Variants in PHACTR1 observed in about 807,000 individuals in gnomAD.
PHACTR1 encodes RPEL repeat containing 1.
Under a neutral mutation model 69.2 loss-of-function variants are expected in PHACTR1, and 16 were observed. The ratio of observed to expected loss-of-function variants is 0.23; its 90% CI spans 0.16 to 0.35. The LOEUF is 0.35. Among genes scored for constraint, PHACTR1 ranks in the 10% least tolerant of loss-of-function variants. The probability of loss-of-function intolerance (pLI) is 1.00; values close to 1 mark genes in which losing one functional copy is unlikely to be tolerated. For synonymous variants in PHACTR1, 312 were observed against 284.5 expected (o/e 1.10, Z -0.97); for missense variants, 510 against 734.7 (o/e 0.69, Z 3.54).
intron 4 of PHACTR1, among the ~76,000 whole-genome samples, chr6:12,756,045 A>G (rs1215355168): frequency 6.6e-6 from 1 of 152,238 alleles, no homozygotes; most frequent in African/African-American, 2.4e-5. Flanking sequence ...TAAATGCGGC[A>G]GAGGCACATT....
At chr6:12,960,628 G>A (rs1792591497) in intron 4 of PHACTR1, among the ~76,000 whole-genome samples, 1 of 152,218 alleles carries the variant, frequency 6.6e-6, no homozygotes, top group African/African-American at 2.4e-5. Flanking sequence ...AGTAGCCCTT[G>A]TCTCCGGACA....
At chr6:12,723,392 C>T (rs1006776615) in intron 3 of PHACTR1, among the ~76,000 whole-genome samples, 8 of 151,464 alleles carry the variant, frequency 5.3e-5, no homozygotes, top group Non-Finnish European at 8.8e-5. Flanking sequence ...TGCATTTTAA[C>T]AAAATCTCCA....
intron 4 of PHACTR1, among the ~76,000 whole-genome samples, chr6:12,830,599 T>A (rs563152620): frequency 1.0e-4 from 15 of 150,738 alleles, no homozygotes; most frequent in Non-Finnish European, 1.3e-4. Flanking sequence ...AAAAAAAAAA[T>A]TTTTTTTGAG....
At chr6:12,742,394 T>A (rs549811408) in intron 3 of PHACTR1, among the ~76,000 whole-genome samples, 17 of 152,082 alleles carry the variant, frequency 1.1e-4, no homozygotes, top group Admixed American at 3.3e-4. Flanking sequence ...TTCATTATAA[T>A]TAGCGCATAA....
At chr6:12,755,029 A>G (rs1767135889) in intron 4 of PHACTR1, among the ~76,000 whole-genome samples, 2 of 152,206 alleles carry the variant, frequency 1.3e-5, no homozygotes, top group Non-Finnish European at 2.9e-5. Context: ...AGTAAATGGG[A>G]AGCACTTTCC....
chr6:12,865,969 A>C (rs1380804523), intron 4 of PHACTR1, among the ~76,000 whole-genome samples: 1 of 151,930 alleles, frequency 6.6e-6, no homozygotes, highest in Non-Finnish European at 1.5e-5. Flanking sequence ...TCCCCACCCT[A>C]AGAAAGGCAC....
chr6:13,138,978 C>G (rs1821983411), intron 5 of PHACTR1, among the ~76,000 whole-genome samples: 1 of 152,118 alleles, frequency 6.6e-6, no homozygotes, highest in South Asian at 2.1e-4. Context: ...TTTCATCCAT[C>G]TTGAGCTTCT....
chr6:12,730,786 T>C (rs1393235422), intron 3 of PHACTR1, among the ~76,000 whole-genome samples: 1 of 152,124 alleles, frequency 6.6e-6, no homozygotes, highest in East Asian at 1.9e-4. Context: ...CCAGTGTGTG[T>C]TGTTCCCCTT....
intron 10 of PHACTR1, among the ~76,000 whole-genome samples, chr6:13,233,726 A>C (rs566303593): frequency 6.6e-6 from 1 of 152,356 alleles, no homozygotes; most frequent in Admixed American, 6.5e-5. Context: ...TTAGAATTCA[A>C]GGTGAGATTT....
chr6:12,911,834 T>C (rs1369939263), intron 4 of PHACTR1, among the ~76,000 whole-genome samples: 1 of 152,224 alleles, frequency 6.6e-6, no homozygotes, highest in Non-Finnish European at 1.5e-5. Flanking sequence ...TAGCTAAGTC[T>C]TCTCCACCAC....
intron 5 of PHACTR1, among the ~76,000 whole-genome samples, chr6:13,091,146 G>T (rs1813213379): frequency 6.6e-6 from 1 of 152,054 alleles, no homozygotes; most frequent in Non-Finnish European, 1.5e-5. Context: ...AAGTAGCTGG[G>T]ATTACAGGCA....
At chr6:13,182,491 C>T (rs1359403331) in intron 6 of PHACTR1, 28 bp from the exon 7 acceptor site, 1 of 1,609,686 alleles carries the variant, frequency 6.2e-7, no homozygotes, top group Non-Finnish European at 8.5e-7. Context: ...CATTGTCTAA[C>T]TCTGCAATCT....
chr6:12,791,195 C>T (rs1171770306), intron 4 of PHACTR1, among the ~76,000 whole-genome samples: 2 of 152,190 alleles, frequency 1.3e-5, no homozygotes, highest in Non-Finnish European at 2.9e-5. Context: ...CTGCTTCCGT[C>T]TGCAGAAGGA....
At chr6:12,945,621 G>T (rs1168190006) in intron 4 of PHACTR1, among the ~76,000 whole-genome samples, 2 of 152,198 alleles carry the variant, frequency 1.3e-5, no homozygotes, top group Admixed American at 6.5e-5. Flanking sequence ...ACACTGGGTA[G>T]CAAAGCCAAC....
At chr6:13,014,437 G>T (rs985658120) in intron 4 of PHACTR1, among the ~76,000 whole-genome samples, 1 of 152,194 alleles carries the variant, frequency 6.6e-6, no homozygotes, top group Non-Finnish European at 1.5e-5. Context: ...AGGCTTAGGG[G>T]ATTTGTCGGT....
chr6:12,833,509 T>C (rs1777817468), intron 4 of PHACTR1, among the ~76,000 whole-genome samples: 1 of 152,132 alleles, frequency 6.6e-6, no homozygotes. Flanking sequence ...TCTGCCCGCC[T>C]CAGCCTCCCA....
At chr6:12,890,675 G>A (rs1172279864) in intron 4 of PHACTR1, among the ~76,000 whole-genome samples, 1 of 152,024 alleles carries the variant, frequency 6.6e-6, no homozygotes, top group Non-Finnish European at 1.5e-5. Context: ...TATCTGCTTG[G>A]TTAAATCCCT....
chr6:12,934,049 C>T (rs1010240210), intron 4 of PHACTR1: 17 of 1,410,920 alleles, frequency 1.2e-5, no homozygotes, highest in East Asian at 2.5e-5. Context: ...AGTCCCAAAT[C>T]AAGGTGTTGG....
chr6:12,992,353 T>G (rs977809581), intron 4 of PHACTR1, among the ~76,000 whole-genome samples: 1 of 152,246 alleles, frequency 6.6e-6, no homozygotes, highest in African/African-American at 2.4e-5. Flanking sequence ...AAGCTAAATA[T>G]AGCCTCTGAG....
Sources: gnomAD v4.1 joint callset for allele counts (sites outside exome capture counted in the v4.1 genomes callset) on GRCh38, gnomAD v4.1.1 for gene constraint, MANE v1.5 for transcripts, NCBI Gene and HGNC (gene_info 2026-07-23, HGNC 2026-07-21) for gene names.